Variants in SCHIP1 observed in about 807,000 individuals in gnomAD.
The protein encoded by SCHIP1 is schwannomin-interacting protein 1.
In SCHIP1, 8 loss-of-function variants were observed where a neutral mutation model predicts 29.7. That is an observed-to-expected ratio of 0.27 (90% CI 0.16 to 0.49). The LOEUF (loss-of-function observed/expected upper bound fraction) is 0.49. Ranked by LOEUF, SCHIP1 falls within the 20% of genes least tolerant of loss-of-function variation. The probability of loss-of-function intolerance (pLI) is 0.99; values close to 1 mark genes in which losing one functional copy is unlikely to be tolerated. For synonymous variants in SCHIP1, 76 were observed against 94.9 expected (o/e 0.80, Z 1.16); for missense variants, 193 against 294.6 (o/e 0.66, Z 2.52).
At chr3:159,391,420 T>C in the SCHIP1 span, among the ~76,000 whole-genome samples, 3 of 152,118 alleles carry the variant, frequency 2.0e-5, no homozygotes, top group African/African-American at 4.8e-5. Context: ...CCTTTAGATA[T>C]CTAGGTACAG....
At chr3:159,667,883 T>G in the SCHIP1 span, among the ~76,000 whole-genome samples, 16 of 152,248 alleles carry the variant, frequency 1.1e-4, no homozygotes, top group African/African-American at 3.6e-4. Flanking sequence ...GGATGCTGCA[T>G]TCTGACATTA....
At chr3:159,629,920 G>C in the SCHIP1 span, among the ~76,000 whole-genome samples, 1,069 of 152,234 alleles carry the variant, frequency 7.0e-3, 13 homozygotes, top group African/African-American at 0.024. Flanking sequence ...ATAAAGTATT[G>C]CAAGACACTA....
chr3:159,340,201 A>C, the SCHIP1 span, among the ~76,000 whole-genome samples: 1 of 152,094 alleles, frequency 6.6e-6, no homozygotes, highest in Non-Finnish European at 1.5e-5. Context: ...TATATAAATA[A>C]GTTTTCTAGG....
At chr3:159,710,972 A>T in the SCHIP1 span, among the ~76,000 whole-genome samples, 4 of 152,160 alleles carry the variant, frequency 2.6e-5, no homozygotes, top group Non-Finnish European at 5.9e-5. Context: ...CTATTACGTG[A>T]TTATAAGATA....
chr3:159,447,131 G>A, the SCHIP1 span, among the ~76,000 whole-genome samples: 1 of 152,098 alleles, frequency 6.6e-6, no homozygotes, highest in Non-Finnish European at 1.5e-5. Flanking sequence ...TTTAAATGCC[G>A]GGTCAGAAAG....
At chr3:159,755,240 AAAAG>A in the SCHIP1 span, among the ~76,000 whole-genome samples, 32 of 152,308 alleles carry the variant, frequency 2.1e-4, no homozygotes, top group East Asian at 3.5e-3. Flanking sequence ...CTCTCAAAAA[AAAAG>A]AAAGAAAGAA....
the SCHIP1 span, among the ~76,000 whole-genome samples, chr3:159,492,968 G>T: frequency 2.6e-5 from 4 of 152,262 alleles, no homozygotes; most frequent in South Asian, 2.1e-4. Flanking sequence ...AAGAAAAGAA[G>T]TTTCAACCCA....
At chr3:159,344,640 T>C in the SCHIP1 span, among the ~76,000 whole-genome samples, 14 of 152,270 alleles carry the variant, frequency 9.2e-5, no homozygotes, top group African/African-American at 2.9e-4. Flanking sequence ...AGGTCCTCAA[T>C]AGCAAGGAAA....
the SCHIP1 span, among the ~76,000 whole-genome samples, chr3:159,600,965 A>T: frequency 6.6e-6 from 1 of 152,176 alleles, no homozygotes; most frequent in Non-Finnish European, 1.5e-5. Flanking sequence ...ATTTCCTCAA[A>T]GGGTTAGTGT....
chr3:159,884,281 A>G (rs1407337976), intron 2 of SCHIP1, among the ~76,000 whole-genome samples: 5 of 151,978 alleles, frequency 3.3e-5, no homozygotes, highest in Admixed American at 6.6e-5. Context: ...CTAAACCTGC[A>G]TGGAATCAAA....
At chr3:159,710,680 C>G in the SCHIP1 span, among the ~76,000 whole-genome samples, 1 of 151,598 alleles carries the variant, frequency 6.6e-6, no homozygotes, top group African/African-American at 2.4e-5. Flanking sequence ...CAATAAGAAA[C>G]AAAAATTAAA....
At chr3:159,509,846 C>G in the SCHIP1 span, among the ~76,000 whole-genome samples, 13 of 152,216 alleles carry the variant, frequency 8.5e-5, no homozygotes, top group African/African-American at 3.1e-4. Context: ...CTCTGTTAGT[C>G]TGATGGGCTT....
the SCHIP1 span, among the ~76,000 whole-genome samples, chr3:159,627,194 G>A: frequency 2.0e-5 from 3 of 152,222 alleles, no homozygotes; most frequent in Admixed American, 6.5e-5. Context: ...CCATGTCCCC[G>A]CAAAGACTGT....
the SCHIP1 span, among the ~76,000 whole-genome samples, chr3:159,669,543 T>A: frequency 3.3e-5 from 5 of 152,190 alleles, no homozygotes; most frequent in Non-Finnish European, 7.4e-5. Context: ...ACAACTGCCT[T>A]CACTGGTACA....
chr3:159,655,171 T>C, the SCHIP1 span, among the ~76,000 whole-genome samples: 2 of 152,206 alleles, frequency 1.3e-5, no homozygotes, highest in Non-Finnish European at 2.9e-5. Context: ...AAATTGAATA[T>C]AAAATATCTG....
the SCHIP1 span, among the ~76,000 whole-genome samples, chr3:159,330,539 T>A: frequency 6.6e-6 from 1 of 152,216 alleles, no homozygotes; most frequent in African/African-American, 2.4e-5. Context: ...AGATTTATAG[T>A]ATTGCGATTC....
the SCHIP1 span, among the ~76,000 whole-genome samples, chr3:159,423,742 G>A: frequency 6.6e-6 from 1 of 152,128 alleles, no homozygotes; most frequent in Non-Finnish European, 1.5e-5. Flanking sequence ...TCTGAGAACG[G>A]GCAGACTGCC....
chr3:159,532,171 A>G, the SCHIP1 span, among the ~76,000 whole-genome samples: 2 of 152,300 alleles, frequency 1.3e-5, no homozygotes, highest in East Asian at 3.9e-4. Context: ...ATTTTTTGTC[A>G]AAGATTTCTT....
chr3:159,423,630 C>G, the SCHIP1 span, among the ~76,000 whole-genome samples: 46 of 126,456 alleles, frequency 3.6e-4, no homozygotes, highest in African/African-American at 1.2e-3. Context: ...CTGGGGGCAG[C>G]GCACAGACAA....
Sources: allele counts gnomAD v4.1 joint callset (sites outside exome capture counted in the v4.1 genomes callset), GRCh38; gene constraint gnomAD v4.1.1; transcripts MANE v1.5; gene names NCBI Gene and HGNC (gene_info 2026-07-23, HGNC 2026-07-21).